The following MRAS variants were observed in gnomAD, a reference collection of about 807,000 sequenced individuals.
MRAS encodes the protein muscle RAS oncogene homolog.
In MRAS, 4 loss-of-function variants were observed where a neutral mutation model predicts 20.9. The ratio of observed to expected loss-of-function variants is 0.19; its 90% CI spans 0.09 to 0.44. MRAS has a LOEUF of 0.44. MRAS is among the 20% of genes least tolerant of loss of function. MRAS has a pLI of 0.99. For synonymous variants in MRAS, 98 were observed against 102.9 expected (o/e 0.95, Z 0.29); for missense variants, 154 against 277.5 (o/e 0.56, Z 3.16).
chr3:138,379,005 T>C (rs2054843741), intron 2 of MRAS, among the ~76,000 whole-genome samples: 1 of 152,176 alleles, frequency 6.6e-6, no homozygotes, highest in South Asian at 2.1e-4. Context: ...ATCCATCACC[T>C]CAAACATTCT....
chr3:138,383,272 A>G (rs2054942109), intron 2 of MRAS, among the ~76,000 whole-genome samples: 1 of 152,164 alleles, frequency 6.6e-6, no homozygotes, highest in Non-Finnish European at 1.5e-5. Flanking sequence ...GGCACATAGC[A>G]GACCTCAGTA....
intron 1 of MRAS, among the ~76,000 whole-genome samples, chr3:138,360,179 C>A (rs965221468): frequency 6.6e-6 from 1 of 152,172 alleles, no homozygotes; most frequent in Admixed American, 6.5e-5. Context: ...CCGTTTTGTT[C>A]TTGATTCCCT....
intron 2 of MRAS, among the ~76,000 whole-genome samples, chr3:138,395,503 C>T (rs1033007801): frequency 2.6e-5 from 4 of 152,066 alleles, no homozygotes; most frequent in Admixed American, 2.6e-4. Flanking sequence ...ACCTTTGAGC[C>T]TTCGAATTTG....
intron 1 of MRAS, among the ~76,000 whole-genome samples, chr3:138,354,036 A>G (rs1000101212): frequency 8.5e-5 from 13 of 152,142 alleles, no homozygotes; most frequent in African/African-American, 3.1e-4. Flanking sequence ...GTGTGGCTCT[A>G]CATAATCAGT....
At chr3:138,360,448 C>T (rs1291201513) in intron 1 of MRAS, among the ~76,000 whole-genome samples, 2 of 152,222 alleles carry the variant, frequency 1.3e-5, no homozygotes, top group Non-Finnish European at 2.9e-5. Flanking sequence ...ACTCTGGGGG[C>T]TGGGTGTGGC....
intron 2 of MRAS, among the ~76,000 whole-genome samples, chr3:138,389,027 A>T (rs1016741284): frequency 6.6e-6 from 1 of 151,832 alleles, no homozygotes; most frequent in African/African-American, 2.4e-5. Flanking sequence ...TTTTTAGTAG[A>T]GACTGGGTTT....
At chr3:138,363,976 C>G (rs976476311) in intron 1 of MRAS, among the ~76,000 whole-genome samples, 1 of 152,162 alleles carries the variant, frequency 6.6e-6, no homozygotes, top group Non-Finnish European at 1.5e-5. Flanking sequence ...GAACAAGCAA[C>G]TCCTGAATAC....
intron 1 of MRAS, among the ~76,000 whole-genome samples, chr3:138,367,844 T>C (rs2054595003): frequency 6.6e-6 from 1 of 152,230 alleles, no homozygotes; most frequent in Non-Finnish European, 1.5e-5. Flanking sequence ...GTTCTACCTA[T>C]GGGGAAAGAA....
chr3:138,386,954 G>C (rs945197803), intron 2 of MRAS, among the ~76,000 whole-genome samples: 1 of 152,140 alleles, frequency 6.6e-6, no homozygotes, highest in Non-Finnish European at 1.5e-5. Context: ...GGGTCATTTG[G>C]TAACTCCATG....
intron 1 of MRAS, among the ~76,000 whole-genome samples, chr3:138,367,805 AG>A (rs972533972): frequency 5.3e-5 from 8 of 152,262 alleles, no homozygotes; most frequent in Admixed American, 2.6e-4. Flanking sequence ...TCTGGCATTC[AG>A]GGAAACAACT....
At chr3:138,400,849 T>G (rs970105655) in intron 5 of MRAS, among the ~76,000 whole-genome samples, 2 of 152,190 alleles carry the variant, frequency 1.3e-5, no homozygotes, top group African/African-American at 4.8e-5. Context: ...ACATGTTAAG[T>G]GGAAATGCCT....
intron 1 of MRAS, among the ~76,000 whole-genome samples, chr3:138,363,043 G>C (rs1392112304): frequency 1.4e-5 from 2 of 144,128 alleles, no homozygotes; most frequent in Non-Finnish European, 2.9e-5. Context: ...TTTGTTTTTT[G>C]TGTTTTTTTT....
chr3:138,357,188 G>C (rs2054353146), intron 1 of MRAS, among the ~76,000 whole-genome samples: 1 of 152,254 alleles, frequency 6.6e-6, no homozygotes, highest in South Asian at 2.1e-4. Flanking sequence ...AGGGCTGGGA[G>C]AGCCCCTTTG....
At chr3:138,354,957 AT>A (rs869116304) in intron 1 of MRAS, among the ~76,000 whole-genome samples, 2 of 151,878 alleles carry the variant, frequency 1.3e-5, no homozygotes, top group Admixed American at 6.6e-5. Context: ...ATTTAAAAAA[AT>A]TTTTTTTGTA....
intron 2 of MRAS, among the ~76,000 whole-genome samples, chr3:138,396,941 TCA>T (rs1452968237): frequency 6.6e-6 from 1 of 151,868 alleles, no homozygotes; most frequent in Non-Finnish European, 1.5e-5. Flanking sequence ...TCCCAAAGAG[TCA>T]CAGTTTGTAG....
At position 138,397,227 on chromosome 3, in the gene MRAS, G is replaced by C. The variant is rs572057859; in HGVS notation, c.194-97G>C. 2.1e-6 allele frequency: 3 copies of C among 1,451,548 alleles called. No individual in the cohort carries two copies. In the African/African-American group the frequency reaches 4.2e-5, roughly 20 times the overall value. 89.9% of individuals were successfully genotyped at this position (1,451,548 alleles called of 1,614,324 possible). On this transcript the variant is annotated intron_variant, in intron 2 of 5. Transcript: ENST00000423968. ...CACGGGACAGCTCGGACTGGGCCAC[G>C]GTAGGGACAGCAGCAGCAGCAGTGT...
chr3:138,393,170 A>G (rs946438394), intron 2 of MRAS, among the ~76,000 whole-genome samples: 2 of 152,190 alleles, frequency 1.3e-5, no homozygotes, highest in Non-Finnish European at 2.9e-5. Flanking sequence ...CTTAGATTTT[A>G]GTTCTACATT....
At chr3:138,372,558 G>T (rs1412091380) in intron 1 of MRAS, among the ~76,000 whole-genome samples, 2 of 152,128 alleles carry the variant, frequency 1.3e-5, no homozygotes, top group Non-Finnish European at 2.9e-5. Context: ...AGAGTTTAGT[G>T]GCCAAAAAGC....
chr3:138,386,685 G>T (rs1184008543), intron 2 of MRAS, among the ~76,000 whole-genome samples: 1 of 152,030 alleles, frequency 6.6e-6, no homozygotes, highest in Non-Finnish European at 1.5e-5. Flanking sequence ...GGTTTCACCA[G>T]TTGGCCAGGC....
Sources: gnomAD v4.1 joint callset for allele counts (sites outside exome capture counted in the v4.1 genomes callset) on GRCh38, gnomAD v4.1.1 for gene constraint, MANE v1.5 for transcripts, NCBI Gene and HGNC (gene_info 2026-07-23, HGNC 2026-07-21) for gene names.